Variants in NAV2 observed in about 807,000 individuals in gnomAD.
NAV2 encodes neuron navigator 2.
NAV2 carries 54 observed loss-of-function variants against 223.2 expected under a neutral mutation model. The observed-to-expected ratio is 0.24, with a 90% confidence interval of 0.19 to 0.30. NAV2 has a LOEUF of 0.30. Ranked by LOEUF, NAV2 falls within the 10% of genes least tolerant of loss-of-function variation. The pLI, the probability that NAV2 is intolerant of heterozygous loss-of-function variation, is 1.00. For missense variants in NAV2, 2,806 were observed against 3,147.5 expected, an observed-to-expected ratio of 0.89 and a Z score of 2.60; for synonymous variants, 1,279 against 1,239.3, an observed-to-expected ratio of 1.03 and a Z score of -0.67.
upstream of NAV2, among the ~76,000 whole-genome samples, chr11:19,712,822 C>G (rs971714576): frequency 4.6e-5 from 7 of 151,580 alleles, 1 homozygote; most frequent in African/African-American, 1.2e-4. Context: ...GCCGCAGCAG[C>G]GCCGGCAGCA....
At chr11:19,637,744 G>A (rs1472264258) in intron 1 of NAV2, among the ~76,000 whole-genome samples, 1 of 152,240 alleles carries the variant, frequency 6.6e-6, no homozygotes, top group African/African-American at 2.4e-5. Flanking sequence ...TGAGGTGATG[G>A]CCTAAGCCAT....
In NAV2 at chr11:20,044,228, C is replaced by T. The variant is rs780091555; in HGVS notation, c.3155C>T (p.Thr1052Met). 284 of 1,613,666 alleles carry T rather than the reference C, an allele frequency of 1.8e-4. No homozygotes were observed. The highest frequency in any genetic ancestry group is 2.1e-4 in the Non-Finnish European group (249 of 1,179,764). ...TAQVGITMPR[T>M]KPSAPAGALK... Reference sequence around the variant, plus strand: ...CAGGTGGGCATCACCATGCCAAGGACGAAGCCTTCAGCCCCGGCAGGCGCA... The same window carrying T: ...CAGGTGGGCATCACCATGCCAAGGATGAAGCCTTCAGCCCCGGCAGGCGCA... Residue 1052 changes from threonine (T) to methionine (M), a missense_variant, in exon 13 of 38, where the codon ACG becomes ATG. By Grantham distance (81) the Thr-to-Met change is moderately conservative. This residue lies in a region of NAV2 where 742 missense variants were observed against 777.9 expected (regional missense o/e 0.95). Transcript: ENST00000349880.
Position 19,572,203 on chromosome 11 carries a change from T to C in NAV2, c.75+221176T>C, listed in dbSNP as rs559775062. Among the ~76,000 whole-genome samples the C allele has an allele frequency of 5.9e-5, 9 of 152,336 alleles. No homozygotes were observed. In the South Asian group the frequency reaches 1.5e-3, roughly 25 times the overall value. ...CAGGCTGCTGCCTTCCGGATGTCAG[T>C]TGAACACTCCTGACAATATGCTCCA... On this transcript the variant is annotated intron_variant, in intron 1 of 37. Coordinates refer to the NAV2 transcript ENST00000360655.
chr11:19,809,774 T>C (rs192892213), intron 1 of NAV2, among the ~76,000 whole-genome samples: 1 of 142,012 alleles, frequency 7.0e-6, no homozygotes, highest in East Asian at 2.0e-4. Context: ...TTTTGTAGAA[T>C]GGACATCATC....
At chr11:19,471,537 A>G (rs915825814) in intron 1 of NAV2, among the ~76,000 whole-genome samples, 6 of 152,164 alleles carry the variant, frequency 3.9e-5, no homozygotes, top group Middle Eastern at 3.2e-3. Context: ...TACCATCACA[A>G]TCTTACCAGT....
intron 11 of NAV2, among the ~76,000 whole-genome samples, chr11:19,994,903 T>A (rs1023792619): frequency 6.6e-6 from 1 of 152,204 alleles, no homozygotes; most frequent in Non-Finnish European, 1.5e-5. Context: ...ATGAGGAAAT[T>A]GAGATTGTTA....
chr11:20,063,709 T>C (rs2058857647), intron 20 of NAV2, among the ~76,000 whole-genome samples: 1 of 152,202 alleles, frequency 6.6e-6, no homozygotes, highest in Admixed American at 6.5e-5. Flanking sequence ...AAACAGTAAT[T>C]TGGGAATTTC....
intron 26 of NAV2, among the ~76,000 whole-genome samples, chr11:20,086,581 C>T (rs2060461895): frequency 6.6e-6 from 1 of 152,124 alleles, no homozygotes; most frequent in Non-Finnish European, 1.5e-5. Context: ...TGTCCCCCAC[C>T]CCAACCCCAG....
intron 4 of NAV2, among the ~76,000 whole-genome samples, chr11:19,875,551 A>C (rs1289990240): frequency 6.6e-6 from 1 of 152,206 alleles, no homozygotes; most frequent in East Asian, 1.9e-4. Flanking sequence ...TCTGTATTGC[A>C]TGATTCTATT....
intron 1 of NAV2, among the ~76,000 whole-genome samples, chr11:19,448,810 G>A (rs1047055535): frequency 6.6e-6 from 1 of 152,172 alleles, no homozygotes; most frequent in Non-Finnish European, 1.5e-5. Context: ...TTTTGTTCAC[G>A]TAGTGATTAG....
intron 11 of NAV2, among the ~76,000 whole-genome samples, chr11:20,011,333 A>G (rs1011775608): frequency 1.3e-5 from 2 of 152,216 alleles, no homozygotes; most frequent in Admixed American, 1.3e-4. Context: ...GGGATAAAAG[A>G]AAAAGGTTGT....
Position 19,777,856 on chromosome 11 carries a change from C to T in NAV2, c.268-54628C>T, listed in dbSNP as rs540849329. ...TCCTACGAGCATGTCTGCGCCCTCA[C>T]AGCCTGTCCCGGGACAGCGTGGTCC... On this transcript the variant is annotated intron_variant, in intron 1 of 37. Transcript: ENST00000349880. 257 of 455,948 alleles carry T rather than the reference C, an allele frequency of 5.6e-4. 2 individuals carry two copies. Among genetic ancestry groups the T allele is most frequent in the African/African-American group, 4.7e-3 (236 of 50,164 alleles). The allele number at this position is 455,948 out of a possible 1,614,324, so 28.2% of individuals were successfully genotyped here.
chr11:20,082,450 G>A (rs747833934), intron 25 of NAV2: 8 of 770,610 alleles, frequency 1.0e-5, no homozygotes, highest in African/African-American at 1.7e-5. Context: ...GTTCCTACTG[G>A]AAACCTCCCC....
At chr11:20,083,307 G>A (rs574242946) in intron 26 of NAV2, 128 bp downstream of exon 26, 69 of 660,566 alleles carry the variant, frequency 1.0e-4, no homozygotes, top group East Asian at 7.6e-4. Context: ...TAATAGGACT[G>A]TGCATGTTCT....
In NAV2 at chr11:19,636,543, T is replaced by G. The variant is rs374299475; in HGVS notation, c.76-195941T>G. ...TCTCGCTCTGTCGCCCAGGCTGGAG[T>G]GCAATGGCGTGATCTCGGCTCACTG... On this transcript the variant is annotated intron_variant, in intron 1 of 37. Transcript: ENST00000360655. Among the ~76,000 whole-genome samples the G allele has an allele frequency of 2.0e-5, 3 of 149,174 alleles. No individual in the cohort carries two copies. In the East Asian group the frequency reaches 5.9e-4, roughly 30 times the overall value.
chr11:19,985,463 G>A (rs1248520531), intron 11 of NAV2, among the ~76,000 whole-genome samples: 1 of 152,140 alleles, frequency 6.6e-6, no homozygotes, highest in East Asian at 1.9e-4. Context: ...TAGGGTTCTA[G>A]CTCAAGTCAG....
chr11:19,635,023 G>C (rs2047451578), intron 1 of NAV2, among the ~76,000 whole-genome samples: 1 of 152,186 alleles, frequency 6.6e-6, no homozygotes. Flanking sequence ...ATAAAAGTGT[G>C]TTTCTTGCTC....
chr11:19,709,610 G>A (rs2049800544), upstream of NAV2, among the ~76,000 whole-genome samples: 1 of 150,972 alleles, frequency 6.6e-6, no homozygotes. Flanking sequence ...CAAGGCAGGT[G>A]GATCACTTGA....
intron 1 of NAV2, among the ~76,000 whole-genome samples, chr11:19,527,988 C>A (rs988423865): frequency 2.8e-5 from 4 of 141,308 alleles, no homozygotes; most frequent in African/African-American, 1.3e-4. Flanking sequence ...GGGAATCAGG[C>A]TGCAATTGTT....
Sources: allele counts gnomAD v4.1 joint callset (sites outside exome capture counted in the v4.1 genomes callset), GRCh38; gene constraint gnomAD v4.1.1; regional missense constraint gnomAD v4.1.1; transcripts MANE v1.5; gene names NCBI Gene and HGNC (gene_info 2026-07-23, HGNC 2026-07-21).